The following FAM240B variants were observed in gnomAD, a reference collection of about 807,000 sequenced individuals.
FAM240B encodes family with sequence similarity 240 member B.
At chr9:38,715,197 C>T (rs1266859843) in intron 1 of FAM240B, among the ~76,000 whole-genome samples, 1 of 152,202 alleles carries the variant, frequency 6.6e-6, no homozygotes, top group African/African-American at 2.4e-5. Context: ...CTGGAGCCAG[C>T]AGCGTCCTGC....
intron 2 of FAM240B, among the ~76,000 whole-genome samples, chr9:38,695,636 C>G (rs1197950552): frequency 1.3e-5 from 2 of 152,162 alleles, no homozygotes; most frequent in African/African-American, 4.8e-5. Context: ...TAATCCTTCC[C>G]AAATTGATAG....
At chr9:38,706,106 A>AT (rs1331912951) in intron 1 of FAM240B, among the ~76,000 whole-genome samples, 1 of 152,234 alleles carries the variant, frequency 6.6e-6, no homozygotes, top group Non-Finnish European at 1.5e-5. Context: ...TTTATTAAAC[A>AT]TTTAAAAATA....
At chr9:38,708,933 G>T (rs1004319099) in intron 1 of FAM240B, among the ~76,000 whole-genome samples, 13 of 152,142 alleles carry the variant, frequency 8.5e-5, no homozygotes, top group African/African-American at 2.9e-4. Context: ...GAGGCTTCCC[G>T]TCTTGTCCCA....
intron 1 of FAM240B, among the ~76,000 whole-genome samples, chr9:38,716,247 G>A (rs1821301828): frequency 6.6e-6 from 1 of 152,132 alleles, no homozygotes; most frequent in Non-Finnish European, 1.5e-5. Context: ...TGAAGCAGGT[G>A]GATCACCTGA....
At chr9:38,717,559 C>T (rs1821321343) in intron 1 of FAM240B, among the ~76,000 whole-genome samples, 1 of 152,224 alleles carries the variant, frequency 6.6e-6, no homozygotes, top group Admixed American at 6.5e-5. Context: ...TGGCTTACTG[C>T]AAGCTCCGCC....
At chr9:38,700,479 GTT>G (rs986813366) in intron 2 of FAM240B, among the ~76,000 whole-genome samples, 6 of 152,126 alleles carry the variant, frequency 3.9e-5, no homozygotes, top group African/African-American at 1.4e-4. Flanking sequence ...GCACTGTCCA[GTT>G]TCTTAGTTAT....
At chr9:38,717,562 G>A (rs1466779048) in intron 1 of FAM240B, among the ~76,000 whole-genome samples, 1 of 152,266 alleles carries the variant, frequency 6.6e-6, no homozygotes, top group Admixed American at 6.5e-5. Flanking sequence ...CTTACTGCAA[G>A]CTCCGCCTCC....
At chr9:38,712,056 G>A (rs1295704389) in intron 1 of FAM240B, among the ~76,000 whole-genome samples, 1 of 152,162 alleles carries the variant, frequency 6.6e-6, no homozygotes, top group East Asian at 1.9e-4. Flanking sequence ...TTTGCCGGCA[G>A]TATATTTGAG....
chr9:38,704,107 G>GTT lies in FAM240B; in HGVS notation c.-3-107_-3-106dup, dbSNP rs5897747. The GTT allele has an allele frequency of 8.5e-3, 2,663 of 314,450 alleles. 2 individuals are homozygous for GTT. The highest frequency in any genetic ancestry group is 0.015 in the Middle Eastern group (19 of 1,262). 19.5% of individuals were successfully genotyped at this position (314,450 alleles called of 1,614,324 possible). On this transcript the variant is annotated intron_variant, in intron 1 of 2. Coordinates refer to ENST00000637493, the MANE Select transcript of FAM240B (RefSeq NM_001394922.1). ...CATGTAGACACTGCCATTTACACTTGTTTTTTTTTTTTTTTTTGGTGACTG... is the reference window on the plus strand; with the variant it reads ...CATGTAGACACTGCCATTTACACTTGTTTTTTTTTTTTTTTTTTTGGTGACTG...
At chr9:38,704,572 TCC>T (rs1398159483) in intron 1 of FAM240B, among the ~76,000 whole-genome samples, 1 of 152,244 alleles carries the variant, frequency 6.6e-6, no homozygotes, top group Non-Finnish European at 1.5e-5. Flanking sequence ...TAAAAAACTA[TCC>T]TTTAAGAGTT....
chr9:38,706,974 A>C (rs1191771506), intron 1 of FAM240B, among the ~76,000 whole-genome samples: 1 of 152,220 alleles, frequency 6.6e-6, no homozygotes, highest in Non-Finnish European at 1.5e-5. Context: ...GGAACATCTA[A>C]GGCATCTCAT....
chr9:38,704,658 A>C (rs1172289041), intron 1 of FAM240B, among the ~76,000 whole-genome samples: 11 of 152,314 alleles, frequency 7.2e-5, no homozygotes, highest in African/African-American at 2.2e-4. Context: ...ATGCATGACA[A>C]ATGGCCAACA....
At chr9:38,708,243 C>T (rs999178121) in intron 1 of FAM240B, among the ~76,000 whole-genome samples, 3 of 152,296 alleles carry the variant, frequency 2.0e-5, no homozygotes, top group Admixed American at 6.5e-5. Flanking sequence ...CCTGTGCTCT[C>T]GCTGCAGGGC....
At chr9:38,698,787 T>C (rs1195328429) in intron 2 of FAM240B, among the ~76,000 whole-genome samples, 2 of 152,222 alleles carry the variant, frequency 1.3e-5, no homozygotes, top group Non-Finnish European at 2.9e-5. Flanking sequence ...TATACACTAT[T>C]GCTAAATGGT....
At chr9:38,699,200 T>C (rs1587588768) in intron 2 of FAM240B, among the ~76,000 whole-genome samples, 3 of 152,342 alleles carry the variant, frequency 2.0e-5, no homozygotes, top group Non-Finnish European at 2.9e-5. Context: ...GCACAGTTTC[T>C]CCTTGATAAG....
intron 1 of FAM240B, among the ~76,000 whole-genome samples, chr9:38,718,171 A>G (rs1200394575): frequency 1.3e-5 from 2 of 152,244 alleles, no homozygotes; most frequent in African/African-American, 2.4e-5. Context: ...ATAATTAACC[A>G]TTCTAGCATG....
chr9:38,702,011 T>C (rs1821134080), intron 2 of FAM240B, among the ~76,000 whole-genome samples: 2 of 152,164 alleles, frequency 1.3e-5, no homozygotes, highest in African/African-American at 2.4e-5. Flanking sequence ...ACTATATATA[T>C]AAAAGTTTTA....
At chr9:38,718,750 T>TAAA (rs5897749) in intron 1 of FAM240B, among the ~76,000 whole-genome samples, 41 of 148,766 alleles carry the variant, frequency 2.8e-4, no homozygotes, top group African/African-American at 9.5e-4. Flanking sequence ...TTGAGATAAG[T>TAAA]AAAAAAAAAA....
At chr9:38,696,210 T>C (rs561501908) in intron 2 of FAM240B, among the ~76,000 whole-genome samples, 7 of 152,170 alleles carry the variant, frequency 4.6e-5, no homozygotes, top group Non-Finnish European at 8.8e-5. Flanking sequence ...ATTTTAAAAA[T>C]TGATTCACTT....
Sources: gnomAD v4.1 joint callset for allele counts (sites outside exome capture counted in the v4.1 genomes callset) on GRCh38, gnomAD v4.1.1 for gene constraint, MANE v1.5 for transcripts, NCBI Gene and HGNC (gene_info 2026-07-23, HGNC 2026-07-21) for gene names.